ADAD1: variants seen among roughly 807,000 people sequenced by gnomAD.
The protein encoded by ADAD1 is adenosine deaminase domain-containing protein 1.
ADAD1 carries 46 observed loss-of-function variants against 66.8 expected under a neutral mutation model. The observed-to-expected ratio is 0.69, with a 90% CI of 0.54 to 0.88. The LOEUF (loss-of-function observed/expected upper bound fraction) is 0.88. Ranked by LOEUF, ADAD1 falls within the 40% of genes least tolerant of loss-of-function variation. The pLI is 0.00. For missense variants in ADAD1, 617 were observed against 681.8 expected, an observed-to-expected ratio of 0.91 and a Z score of 1.06; for synonymous variants, 248 against 229.4, an observed-to-expected ratio of 1.08 and a Z score of -0.73.
chr4:122,421,385 G>A lies in ADAD1; in HGVS notation c.1612G>A (p.Ala538Thr), dbSNP rs1401493692. 1 of 1,587,134 alleles carries A rather than the reference G, an allele frequency of 6.3e-7. No individual in the cohort carries two copies. The highest frequency in any genetic ancestry group is 8.6e-7 in the Non-Finnish European group (1 of 1,162,834). ...ACTTGAAGCTGGTACATATCATGCA[G>A]CTAAGGTAAGTCCTTAAAGGAATAA... The part of the protein sequence containing the change: ...ELLEAGTYHA[A>T]KCMSASYQEA... Residue 538 changes from alanine to threonine, a missense_variant, in exon 12 of 13, where the codon GCT (alanine) becomes ACT (threonine). Coordinates refer to ENST00000296513, the MANE Select transcript of ADAD1 (RefSeq NM_139243.4).
chr4:122,426,289 G>C (rs1328037898), intron 12 of ADAD1, among the ~76,000 whole-genome samples: 1 of 152,104 alleles, frequency 6.6e-6, no homozygotes, highest in Non-Finnish European at 1.5e-5. Context: ...CATAAAAACT[G>C]ACTTAACAAT....
chr4:122,400,776 A>G (rs1302408799), intron 7 of ADAD1, among the ~76,000 whole-genome samples: 1 of 151,948 alleles, frequency 6.6e-6, no homozygotes, highest in African/African-American at 2.4e-5. Flanking sequence ...TAGATTTTCT[A>G]GTTTGTGCAT....
At chr4:122,429,476 T>A in intron 12 of ADAD1, 150 bp from the exon 13 acceptor site, 1 of 533,766 alleles carries the variant, frequency 1.9e-6, no homozygotes, top group Non-Finnish European at 3.3e-6. Context: ...GGAAGGAAAT[T>A]TTTTAGCTTC....
intron 5 of ADAD1, among the ~76,000 whole-genome samples, chr4:122,392,503 A>C (rs1795496886): frequency 1.3e-5 from 2 of 152,242 alleles, no homozygotes; most frequent in South Asian, 4.1e-4. Flanking sequence ...GGAGCTACTC[A>C]TTAAGCATGT....
At chr4:122,390,530 C>T (rs1319039312) in intron 5 of ADAD1, among the ~76,000 whole-genome samples, 6 of 152,090 alleles carry the variant, frequency 3.9e-5, no homozygotes, top group African/African-American at 1.4e-4. Context: ...TATGAAGTCC[C>T]ATATTAGAGT....
chr4:122,381,295 C>T (rs1049088164), intron 4 of ADAD1, 115 bp downstream of exon 4: 3 of 1,042,370 alleles, frequency 2.9e-6, no homozygotes, highest in East Asian at 2.8e-5. Flanking sequence ...TGTATGTTTT[C>T]ACAAGAATAC....
chr4:122,413,496 A>G (rs1353598963), intron 10 of ADAD1, among the ~76,000 whole-genome samples: 1 of 152,076 alleles, frequency 6.6e-6, no homozygotes, highest in Non-Finnish European at 1.5e-5. Context: ...AGCTTTTTAC[A>G]ATATATCTTG....
intron 10 of ADAD1, among the ~76,000 whole-genome samples, chr4:122,413,486 A>C (rs1452929182): frequency 6.6e-6 from 1 of 152,064 alleles, no homozygotes; most frequent in African/African-American, 2.4e-5. Context: ...TTCATTCTCA[A>C]GCTTTTTACA....
intron 5 of ADAD1, among the ~76,000 whole-genome samples, chr4:122,389,274 C>T (rs180869478): frequency 1.3e-5 from 2 of 152,206 alleles, no homozygotes; most frequent in East Asian, 3.9e-4. Context: ...TGTTTTACTT[C>T]CAATTACATG....
intron 7 of ADAD1, among the ~76,000 whole-genome samples, chr4:122,400,489 G>C (rs561094603): frequency 6.6e-6 from 1 of 152,132 alleles, no homozygotes; most frequent in South Asian, 2.1e-4. Flanking sequence ...TCTTTTGCTG[G>C]TTTTGGTATT....
intron 11 of ADAD1, 43 bp from the exon 12 acceptor site, chr4:122,421,218 T>C (rs1005524064): frequency 2.1e-6 from 3 of 1,435,138 alleles, no homozygotes; most frequent in Non-Finnish European, 2.8e-6. Flanking sequence ...CAACATAAAT[T>C]ACTGAAAAAG....
At chr4:122,410,355 A>G (rs956455155) in intron 8 of ADAD1, among the ~76,000 whole-genome samples, 1 of 152,046 alleles carries the variant, frequency 6.6e-6, no homozygotes. Context: ...TTTTTACTAT[A>G]TATTTTTGAT....
rs149759339 is a variant in ADAD1, at chr4:122,381,008, G to T, written c.189G>T (p.Pro63=). ...TGTTTTTAGGTAATTTTCCAGAGCCGTTGCTTTCCAAGAATCTTTCATCTA... is the reference window on the plus strand; with the variant it reads ...TGTTTTTAGGTAATTTTCCAGAGCCTTTGCTTTCCAAGAATCTTTCATCTA... ...VTQVTGNFPE[P]LLSKNLSSIS... is the part of the protein sequence containing the mutation. The change falls in exon 4 of 13, where the codon CCG becomes CCT. Residue 63 remains proline (P), a synonymous_variant. Transcript: ENST00000296513. The T allele has an allele frequency of 1.1e-3, 1,821 of 1,591,730 alleles. 3 individuals are homozygous for T. Among genetic ancestry groups the T allele is most frequent in the Non-Finnish European group, 1.5e-3 (1,706 of 1,174,872 alleles).
intron 2 of ADAD1, 32 bp from the exon 3 acceptor site, chr4:122,380,030 T>G: frequency 6.3e-7 from 1 of 1,576,616 alleles, no homozygotes; most frequent in Non-Finnish European, 8.6e-7. Context: ...GCGTTTTGTC[T>G]TGTTTTCTGC....
intron 3 of ADAD1, chr4:122,380,606 TCCAG>T: frequency 3.4e-6 from 1 of 295,104 alleles, no homozygotes; most frequent in African/African-American, 2.2e-5. Flanking sequence ...TTCGGTGGAA[TCCAG>T]TGAGAAAATG....
chr4:122,398,817 G>T (rs529260060), intron 7 of ADAD1, among the ~76,000 whole-genome samples: 1 of 150,328 alleles, frequency 6.7e-6, no homozygotes, highest in South Asian at 2.1e-4. Flanking sequence ...TTTTTTTGAT[G>T]GGATTATTTT....
At chr4:122,395,862 A>T (rs1310641447) in intron 6 of ADAD1, among the ~76,000 whole-genome samples, 1 of 152,172 alleles carries the variant, frequency 6.6e-6, no homozygotes, top group African/African-American at 2.4e-5. Context: ...AAATAATAAG[A>T]GAATGTATTT....
chr4:122,411,997 A>T (rs913464508), intron 9 of ADAD1, among the ~76,000 whole-genome samples: 1 of 152,162 alleles, frequency 6.6e-6, no homozygotes, highest in Non-Finnish European at 1.5e-5. Context: ...GCTTTGATGA[A>T]TGAATATCAT....
At position 122,411,203 on chromosome 4, in the gene ADAD1, A is replaced by G; in HGVS notation, c.849-19A>G. 6.4e-7 allele frequency: 1 copy of G among 1,557,510 alleles called. No individual in the cohort carries two copies. Among genetic ancestry groups the G allele is most frequent in the South Asian group, 1.2e-5 (1 of 83,674 alleles). On this transcript the variant is annotated intron_variant, in intron 8 of 12. Transcript: ENST00000296513. ...TTTATAAAGTTTATTACTTGACAAA[A>G]TTATAACATTTATTTTAGGTACTTT... is the stretch of plus-strand genomic sequence containing the variant.
Sources: gnomAD v4.1 joint callset for allele counts (sites outside exome capture counted in the v4.1 genomes callset) on GRCh38, gnomAD v4.1.1 for gene constraint, MANE v1.5 for transcripts, NCBI Gene and HGNC (gene_info 2026-07-23, HGNC 2026-07-21) for gene names.